PRH1: variants seen among roughly 807,000 people sequenced by gnomAD.
PRH1 encodes salivary acidic proline-rich phosphoprotein 1/2.
In PRH1, 7 loss-of-function variants were observed where a neutral mutation model predicts 7.9. The ratio of observed to expected loss-of-function variants is 0.89; its 90% CI spans 0.50 to 1.67. The LOEUF is 1.67. Ranked by LOEUF, PRH1 falls within the 40% of genes most tolerant of loss-of-function variation. The probability of loss-of-function intolerance (pLI) is 0.00; values close to 1 mark genes in which losing one functional copy is unlikely to be tolerated. For synonymous variants in PRH1, 45 were observed against 80.8 expected (o/e 0.56, Z 2.38); for missense variants, 109 against 223.6 (o/e 0.49, Z 3.27).
At chr12:10,997,209 T>C (rs776352109) in intron 1 of PRH1, 14 of 1,614,116 alleles carry the variant, frequency 8.7e-6, no homozygotes, top group Admixed American at 1.7e-5. Flanking sequence ...TTTATGTGGA[T>C]CTTGGTGCTG....
chr12:11,018,172 C>T (rs552281788), intron 1 of PRH1, among the ~76,000 whole-genome samples: 4 of 152,024 alleles, frequency 2.6e-5, no homozygotes, highest in Non-Finnish European at 4.4e-5. Context: ...TCCATCAAGC[C>T]CGTAGGAGAG....
At chr12:11,031,236 C>G in intron 1 of PRH1, 1 of 1,614,080 alleles carries the variant, frequency 6.2e-7, no homozygotes, top group South Asian at 1.1e-5. Context: ...TTGACCCGCT[C>G]AATGGAATTT....
chr12:11,035,794 A>C (rs1942411486), intron 1 of PRH1, among the ~76,000 whole-genome samples: 1 of 152,222 alleles, frequency 6.6e-6, no homozygotes, highest in Non-Finnish European at 1.5e-5. Flanking sequence ...TTCAATGAGC[A>C]GCACTGGATC....
At chr12:11,120,831 G>C (rs1264282610), downstream of PRH1, 1 of 152,568 alleles carries the variant, frequency 6.6e-6, no homozygotes, top group East Asian at 1.9e-4. Flanking sequence ...ACAGTCATTA[G>C]TTTTACAGCT....
chr12:11,031,448 G>C (rs564264735), intron 1 of PRH1: 79 of 826,702 alleles, frequency 9.6e-5, no homozygotes, highest in Admixed American at 4.8e-4. Context: ...CGACCTTCAC[G>C]GTGAGTGTTG....
At chr12:10,953,366 CATAAAATG>C in intron 2 of PRH1, among the ~76,000 whole-genome samples, 1 of 152,010 alleles carries the variant, frequency 6.6e-6, no homozygotes, top group African/African-American at 2.4e-5. Context: ...TGAGGAACGC[CATAAAATG>C]ATACAGAAGA....
At chr12:10,899,508 G>A (rs529307423) in intron 2 of PRH1, among the ~76,000 whole-genome samples, 3 of 152,260 alleles carry the variant, frequency 2.0e-5, no homozygotes, top group South Asian at 4.1e-4. Flanking sequence ...ACTCTCACAA[G>A]ACTGAATTTG....
At chr12:11,142,875 G>GA (rs531414546) in intron 1 of PRH1, among the ~76,000 whole-genome samples, 368 of 152,204 alleles carry the variant, frequency 2.4e-3, no homozygotes, top group African/African-American at 8.6e-3. Flanking sequence ...ACATGAAAGA[G>GA]AAAGACTTTT....
chr12:11,087,537 A>T lies in PRH1; in HGVS notation n.124-40349T>A, dbSNP rs571974334. Reference sequence around the variant, plus strand: ...ATGCATGGCAGCTGGCAGGACACTCACATTATTCGTGAACTGTGGAGTAAG... The same window carrying T: ...ATGCATGGCAGCTGGCAGGACACTCTCATTATTCGTGAACTGTGGAGTAAG... On this transcript the variant is annotated intron_variant and non_coding_transcript_variant, in intron 1 of 4. Coordinates refer to the PRH1 transcript ENST00000541977. Among the ~76,000 whole-genome samples, 66 of 116,740 alleles carry T rather than the reference A, an allele frequency of 5.7e-4. 15 individuals carry two copies. The highest frequency in any genetic ancestry group is 1.9e-3 in the African/African-American group (66 of 34,894). 76.6% of individuals were successfully genotyped at this position (116,740 alleles called of 152,430 possible). A position where few individuals can be genotyped will look rare whatever the true frequency, so the allele number is the denominator to read the frequency against.
chr12:11,052,946 A>G (rs183556585), intron 1 of PRH1, among the ~76,000 whole-genome samples: 6 of 152,280 alleles, frequency 3.9e-5, no homozygotes, highest in Admixed American at 3.9e-4. Flanking sequence ...TTGTTTTAGT[A>G]TGTTAGAAAT....
intron 1 of PRH1, among the ~76,000 whole-genome samples, chr12:11,164,932 G>A (rs996477690): frequency 6.6e-6 from 1 of 152,032 alleles, no homozygotes; most frequent in Admixed American, 6.5e-5. Context: ...CCTTTGCAGT[G>A]CATTCTACCT....
At chr12:10,965,842 C>T (rs760156757) in intron 2 of PRH1, among the ~76,000 whole-genome samples, 4 of 152,178 alleles carry the variant, frequency 2.6e-5, no homozygotes, top group Admixed American at 1.3e-4. Flanking sequence ...ATCACCATGA[C>T]CAATTTTTAT....
chr12:11,020,637 C>T (rs772688051), intron 1 of PRH1, among the ~76,000 whole-genome samples: 93 of 151,678 alleles, frequency 6.1e-4, no homozygotes, highest in Non-Finnish European at 1.1e-3. Flanking sequence ...AATACATTTC[C>T]TATCAATTAT....
Position 10,934,556 on chromosome 12 carries a change from T to C in PRH1, c.-59+39099A>G, listed in dbSNP as rs973832387. ...GTCTAAATGCAACGCTGACAATTTC[T>C]TCATCTATCACATGTACCTGTTATA... On this transcript the variant is annotated intron_variant, in intron 2 of 3. Transcript: ENST00000539853. Among the ~76,000 whole-genome samples the C allele has an allele frequency of 3.9e-5, 6 of 152,240 alleles. No homozygotes were observed. The South Asian group carries it at 1.2e-3, about 32-fold the overall frequency.
chr12:11,078,915 A>C (rs1347426994), intron 1 of PRH1: 1 of 152,092 alleles, frequency 6.6e-6, no homozygotes, highest in Non-Finnish European at 1.5e-5. Flanking sequence ...AAACACATAG[A>C]CACACATGCA....
chr12:11,032,342 T>A (rs1471620912), intron 1 of PRH1, among the ~76,000 whole-genome samples: 1 of 152,218 alleles, frequency 6.6e-6, no homozygotes, highest in Non-Finnish European at 1.5e-5. Flanking sequence ...CGGACTTTTT[T>A]AAATCACAGA....
At chr12:10,936,968 G>C (rs1422250946) in intron 2 of PRH1, among the ~76,000 whole-genome samples, 1 of 152,082 alleles carries the variant, frequency 6.6e-6, no homozygotes, top group Non-Finnish European at 1.5e-5. Context: ...TAAGGGGAGA[G>C]GGGAATGTTA....
At chr12:10,907,531 GTA>G (rs1018248519) in intron 2 of PRH1, among the ~76,000 whole-genome samples, 3 of 134,694 alleles carry the variant, frequency 2.2e-5, no homozygotes, top group Non-Finnish European at 5.0e-5. Context: ...GTGTGTGTGT[GTA>G]TATATGGCAT....
intron 1 of PRH1, chr12:11,005,794 C>A (rs1395710570): frequency 2.6e-5 from 4 of 151,990 alleles, no homozygotes; most frequent in Non-Finnish European, 5.9e-5. Flanking sequence ...ATCTCTCGTG[C>A]TTAAGCTTTT....
Sources: allele counts gnomAD v4.1 joint callset (sites outside exome capture counted in the v4.1 genomes callset), GRCh38; gene constraint gnomAD v4.1.1; transcripts MANE v1.5; gene names NCBI Gene and HGNC (gene_info 2026-07-23, HGNC 2026-07-21).